The following GALNT14 variants were observed in gnomAD, a reference collection of about 807,000 sequenced individuals.
The protein encoded by GALNT14 is UDP-GalNAc:polypeptide N-acetylgalactosaminyltransferase 14.
Under a neutral mutation model 77.5 loss-of-function variants are expected in GALNT14, and 60 were observed. The ratio of observed to expected loss-of-function variants is 0.77; its 90% CI spans 0.63 to 0.96. The LOEUF is 0.96. GALNT14 is among the 40% of genes least tolerant of loss of function. GALNT14 has a pLI of 0.00. For missense variants in GALNT14, 710 were observed against 731.0 expected, an observed-to-expected ratio of 0.97 and a Z score of 0.33; for synonymous variants, 280 against 281.7, an observed-to-expected ratio of 0.99 and a Z score of 0.06.
chr2:30,990,047 C>T (rs918122108), intron 2 of GALNT14, among the ~76,000 whole-genome samples: 4 of 152,070 alleles, frequency 2.6e-5, no homozygotes, highest in African/African-American at 9.7e-5. Context: ...GGTGGATTCA[C>T]AGCAGAGATC....
chr2:30,969,052 G>C (rs1383291161), intron 2 of GALNT14, among the ~76,000 whole-genome samples: 1 of 152,194 alleles, frequency 6.6e-6, no homozygotes, highest in Non-Finnish European at 1.5e-5. Context: ...GAAGGAGCCA[G>C]CATGGTCAGC....
downstream of GALNT14, among the ~76,000 whole-genome samples, chr2:30,907,024 A>G (rs1664162090): frequency 6.6e-6 from 1 of 152,248 alleles, no homozygotes; most frequent in Non-Finnish European, 1.5e-5. Context: ...GAACAAAGAC[A>G]CAACACACCA....
chr2:30,967,428 G>T lies in GALNT14; in HGVS notation c.300-1126C>A, dbSNP rs149977942. On this transcript the variant is annotated intron_variant, in intron 2 of 14. Coordinates refer to ENST00000349752, the MANE Select transcript of GALNT14 (RefSeq NM_024572.4). Reference sequence around the variant, plus strand: ...GATCAGTTTTTTCTATAGGGGCATAGGCTGAAGGCTCATGGTGTCGGTCCA... The same window carrying T: ...GATCAGTTTTTTCTATAGGGGCATATGCTGAAGGCTCATGGTGTCGGTCCA... Among the ~76,000 whole-genome samples the T allele has an allele frequency of 3.0e-3, 455 of 152,290 alleles. 2 individuals carry two copies. The highest frequency in any genetic ancestry group is 0.01 in the African/African-American group (421 of 41,544).
intron 1 of GALNT14, among the ~76,000 whole-genome samples, chr2:31,006,320 C>T (rs1035324290): frequency 1.3e-5 from 2 of 152,134 alleles, no homozygotes; most frequent in African/African-American, 4.8e-5. Context: ...TAGATACAAT[C>T]ACCCAGAATA....
intron 13 of GALNT14, among the ~76,000 whole-genome samples, chr2:30,917,489 G>A (rs186988824): frequency 3.3e-5 from 5 of 152,254 alleles, no homozygotes; most frequent in Admixed American, 2.6e-4. Flanking sequence ...CATACCACCT[G>A]GGCAGTCTCT....
chr2:30,909,140 T>C (rs1274051329), downstream of GALNT14, among the ~76,000 whole-genome samples: 2 of 151,832 alleles, frequency 1.3e-5, no homozygotes, highest in Non-Finnish European at 2.9e-5. Context: ...ATTCAGGACA[T>C]AGGCACGGGC....
chr2:31,055,798 T>G (rs558975502), intron 1 of GALNT14, among the ~76,000 whole-genome samples: 2 of 152,264 alleles, frequency 1.3e-5, no homozygotes, highest in East Asian at 3.9e-4. Flanking sequence ...CTGCTTTATT[T>G]CTCTTATGAA....
intron 1 of GALNT14, among the ~76,000 whole-genome samples, chr2:31,083,970 G>A (rs1430380418): frequency 1.3e-5 from 2 of 152,222 alleles, no homozygotes; most frequent in Non-Finnish European, 2.9e-5. Flanking sequence ...GGTTTTCTCA[G>A]GGATTTATGG....
chr2:30,905,011 G>C, the GALNT14 span, among the ~76,000 whole-genome samples: 1 of 152,150 alleles, frequency 6.6e-6, no homozygotes, highest in African/African-American at 2.4e-5. Flanking sequence ...CTGTCTGTTA[G>C]AAGGAAAACT....
Position 30,967,418 on chromosome 2 carries a change from T to C in GALNT14, c.300-1116A>G, listed in dbSNP as rs139652411. ...AGATAACTCTGATCAGTTTTTTCTA[T>C]AGGGGCATAGGCTGAAGGCTCATGG... is the stretch of plus-strand genomic sequence containing the variant. On this transcript the variant is annotated intron_variant, in intron 2 of 14. Transcript: ENST00000349752. Among the ~76,000 whole-genome samples the C allele has an allele frequency of 3.0e-3, 455 of 152,292 alleles. 2 individuals are homozygous for C. The highest frequency in any genetic ancestry group is 0.01 in the African/African-American group (421 of 41,560).
chr2:31,022,475 T>C (rs1169853812), intron 1 of GALNT14, among the ~76,000 whole-genome samples: 2 of 152,058 alleles, frequency 1.3e-5, no homozygotes, highest in African/African-American at 2.4e-5. Context: ...GGCCTTTTTT[T>C]CCCCCAACAC....
intron 1 of GALNT14, among the ~76,000 whole-genome samples, chr2:31,013,395 CA>C (rs1452625215): frequency 6.6e-6 from 1 of 152,144 alleles, no homozygotes; most frequent in African/African-American, 2.4e-5. Flanking sequence ...ATCGAACTTC[CA>C]AATGCAAGAA....
intron 8 of GALNT14, among the ~76,000 whole-genome samples, chr2:30,943,318 G>C (rs1451266382): frequency 6.6e-6 from 1 of 152,194 alleles, no homozygotes; most frequent in African/African-American, 2.4e-5. Flanking sequence ...CAGATTCCAA[G>C]CTAATAATCA....
At chr2:30,949,719 C>T (rs897852459) in intron 6 of GALNT14, among the ~76,000 whole-genome samples, 8 of 152,340 alleles carry the variant, frequency 5.3e-5, no homozygotes, top group South Asian at 2.1e-4. Context: ...TAGAGATGTC[C>T]ACTCTTGTGA....
At chr2:30,954,552 C>A (rs1470823627) in intron 6 of GALNT14, among the ~76,000 whole-genome samples, 1 of 152,168 alleles carries the variant, frequency 6.6e-6, no homozygotes, top group Non-Finnish European at 1.5e-5. Context: ...TGGGCCTTAA[C>A]CTCTAGGCCC....
intron 2 of GALNT14, among the ~76,000 whole-genome samples, chr2:30,989,076 G>A (rs534302354): frequency 1.8e-4 from 28 of 152,180 alleles, no homozygotes; most frequent in Non-Finnish European, 3.1e-4. Context: ...AGTTTAAGAA[G>A]CGCTTACCTA....
intron 1 of GALNT14, among the ~76,000 whole-genome samples, chr2:31,081,741 A>C (rs1388001760): frequency 6.6e-6 from 1 of 152,210 alleles, no homozygotes. Context: ...TGTAACTTCT[A>C]AAAATGAAAA....
chr2:31,054,548 C>A (rs1674093758), intron 1 of GALNT14, among the ~76,000 whole-genome samples: 1 of 152,220 alleles, frequency 6.6e-6, no homozygotes, highest in Non-Finnish European at 1.5e-5. Flanking sequence ...GCGCCTACCC[C>A]ATTCAACTTT....
intron 9 of GALNT14, among the ~76,000 whole-genome samples, chr2:30,936,761 T>G (rs1176856785): frequency 1.3e-5 from 2 of 152,168 alleles, no homozygotes; most frequent in Non-Finnish European, 2.9e-5. Flanking sequence ...AAAACTGCAT[T>G]TCACCCACAG....
Sources: allele counts gnomAD v4.1 joint callset (sites outside exome capture counted in the v4.1 genomes callset), GRCh38; gene constraint gnomAD v4.1.1; transcripts MANE v1.5; gene names NCBI Gene and HGNC (gene_info 2026-07-23, HGNC 2026-07-21).